Variants in ARID2 observed in about 807,000 individuals in gnomAD.
ARID2 encodes AT-rich interaction domain 2.
Under a neutral mutation model 184.6 loss-of-function variants are expected in ARID2, and 32 were observed. The ratio of observed to expected loss-of-function variants is 0.17; its 90% CI spans 0.13 to 0.23. ARID2 has a LOEUF of 0.23. Among genes scored for constraint, ARID2 ranks in the 10% least tolerant of loss-of-function variants. ARID2 has a pLI of 1.00. For missense variants in ARID2, 1,696 were observed against 2,197.6 expected (o/e 0.77, Z 4.56); for synonymous variants, 836 against 772.6 (o/e 1.08, Z -1.36).
chr12:45,904,208 C>T (rs1785963799), intron 20 of ARID2: 7 of 555,908 alleles, frequency 1.3e-5, no homozygotes, highest in South Asian at 4.6e-5. Context: ...CTAGATGTGG[C>T]TTGGTTTCAC....
At chr12:45,868,842 A>G (rs1943871441) in intron 16 of ARID2, among the ~76,000 whole-genome samples, 1 of 152,154 alleles carries the variant, frequency 6.6e-6, no homozygotes, top group Admixed American at 6.5e-5. Context: ...CTTTAAATGT[A>G]TTTTAACTTT....
chr12:45,770,827 C>CA (rs1291353897), intron 3 of ARID2, among the ~76,000 whole-genome samples: 2 of 152,144 alleles, frequency 1.3e-5, no homozygotes, highest in Non-Finnish European at 2.9e-5. Context: ...AGAGATCAAT[C>CA]AGAGAAAAGT....
intron 20 of ARID2, 66 bp from the exon 21 acceptor site, chr12:45,904,868 A>T: frequency 6.4e-7 from 1 of 1,563,180 alleles, no homozygotes; most frequent in South Asian, 1.2e-5. Context: ...AAACTTGCAA[A>T]ATTCATGATA....
intron 3 of ARID2, among the ~76,000 whole-genome samples, chr12:45,781,605 G>A (rs956021201): frequency 2.0e-5 from 3 of 151,584 alleles, no homozygotes; most frequent in African/African-American, 7.3e-5. Flanking sequence ...TACTTTACTT[G>A]GATTGGTTTG....
intron 2 of ARID2, among the ~76,000 whole-genome samples, chr12:45,730,996 C>T (rs1394902379): frequency 2.6e-5 from 4 of 151,814 alleles, no homozygotes; most frequent in Non-Finnish European, 5.9e-5. Context: ...ACCAAACCCC[C>T]CCACCCCCAA....
chr12:45,887,661 T>C (rs879345862), intron 16 of ARID2, among the ~76,000 whole-genome samples: 6 of 152,160 alleles, frequency 3.9e-5, no homozygotes, highest in Non-Finnish European at 8.8e-5. Context: ...CAAAGTGAGA[T>C]GGAGTCCTGC....
chr12:45,802,622 TA>T (rs1178840309), intron 3 of ARID2, among the ~76,000 whole-genome samples: 1 of 152,142 alleles, frequency 6.6e-6, no homozygotes, highest in Non-Finnish European at 1.5e-5. Flanking sequence ...GGAAAGTTAG[TA>T]AAGTTGGGCT....
chr12:45,758,471 T>C (rs1302426550), intron 3 of ARID2, among the ~76,000 whole-genome samples: 2 of 152,124 alleles, frequency 1.3e-5, no homozygotes, highest in African/African-American at 2.4e-5. Flanking sequence ...CAGTGTGACC[T>C]AGGGAAGCCA....
chr12:45,885,438 C>T (rs1267301644), intron 16 of ARID2, among the ~76,000 whole-genome samples: 2 of 151,662 alleles, frequency 1.3e-5, no homozygotes, highest in Admixed American at 6.6e-5. Flanking sequence ...AAATCCCTTG[C>T]ATTTTAAGTC....
At chr12:45,855,067 A>C (rs1456041982) in intron 15 of ARID2, among the ~76,000 whole-genome samples, 1 of 152,146 alleles carries the variant, frequency 6.6e-6, no homozygotes, top group Non-Finnish European at 1.5e-5. Context: ...GCCTTTTTTT[A>C]ATCTAACATA....
At chr12:45,800,344 T>C (rs917360387) in intron 3 of ARID2, among the ~76,000 whole-genome samples, 1 of 152,208 alleles carries the variant, frequency 6.6e-6, no homozygotes, top group Non-Finnish European at 1.5e-5. Flanking sequence ...TATTAAATTC[T>C]AGGTTTGTTT....
At position 45,852,104 on chromosome 12, in the gene ARID2, A is replaced by T. The variant is rs776048474; in HGVS notation, c.3981A>T (p.Ser1327=). ...NQCSLISNGP[S]LELGENGASG... is the part of the protein sequence containing the mutation. ...GCTCACTAATCAGTAATGGGCCATC[A>T]TTGGAATTAGGTGAGAATGGAGCAT... The change falls in exon 15 of 21, where the codon TCA becomes TCT. Residue 1327 remains serine (S), a synonymous_variant. Transcript: ENST00000334344. 9 of 1,614,162 alleles carry T rather than the reference A, an allele frequency of 5.6e-6. No individual in the cohort carries two copies. Among genetic ancestry groups the T allele is most frequent in the Non-Finnish European group, 7.6e-6 (9 of 1,180,006 alleles).
In ARID2 at chr12:45,733,005, A is replaced by G. The variant is rs1047405613; in HGVS notation, c.284+1691A>G. 2.6e-5 allele frequency among the ~76,000 whole-genome samples: 4 copies of G among 152,148 alleles called. No individual in the cohort carries two copies. The South Asian group carries it at 8.3e-4, about 31-fold the overall frequency. On this transcript the variant is annotated intron_variant, in intron 3 of 20. Coordinates refer to ENST00000334344, the MANE Select transcript of ARID2 (RefSeq NM_152641.4). ...CTGTTTTTAACTATATAGTTTCAAC[A>G]TTGTAAGTATTTACATGGTCTTCAG...
At chr12:45,787,342 T>G (rs1026081164) in intron 3 of ARID2, among the ~76,000 whole-genome samples, 3 of 151,748 alleles carry the variant, frequency 2.0e-5, no homozygotes, top group African/African-American at 7.3e-5. Context: ...CTCAGCCTCC[T>G]ATGTAGCTGG....
intron 3 of ARID2, among the ~76,000 whole-genome samples, chr12:45,765,514 G>A (rs1465804666): frequency 7.1e-6 from 1 of 140,652 alleles, no homozygotes; most frequent in Non-Finnish European, 1.6e-5. Context: ...CCTGGCCTCG[G>A]TTTTTTTTTT....
chr12:45,898,420 T>G (rs1042049915), intron 20 of ARID2, among the ~76,000 whole-genome samples: 10 of 152,164 alleles, frequency 6.6e-5, no homozygotes, highest in African/African-American at 2.2e-4. Context: ...TTAAAAGTGG[T>G]TAAAATAGTA....
intron 16 of ARID2, among the ~76,000 whole-genome samples, chr12:45,869,194 T>G (rs542795205): frequency 6.6e-6 from 1 of 152,166 alleles, no homozygotes; most frequent in African/African-American, 2.4e-5. Context: ...TTTTTGTATT[T>G]TTAGTAGGGA....
At chr12:45,831,358 C>G (rs943933254) in intron 6 of ARID2, among the ~76,000 whole-genome samples, 1 of 151,966 alleles carries the variant, frequency 6.6e-6, no homozygotes, top group Non-Finnish European at 1.5e-5. Context: ...ACTGTGATTT[C>G]CTCTACGTGG....
At position 45,851,294 on chromosome 12, in the gene ARID2, G is replaced by C. The variant is rs7296694; in HGVS notation, c.3171G>C (p.Ser1057=). The change falls in exon 15 of 21, where the codon TCG becomes TCC. Residue 1057 remains serine (S), a synonymous_variant. Coordinates refer to ENST00000334344, the MANE Select transcript of ARID2 (RefSeq NM_152641.4). ...AGVGQPASGE[S]SLIKQLLLPK... ...TTGGTCAGCCTGCCTCTGGTGAGTC[G>C]AGTCTGATTAAACAGCTTCTGCTTC... 1.2e-6 allele frequency: 2 copies of C among 1,614,004 alleles called. No homozygotes were observed.
Sources: gnomAD v4.1 joint callset for allele counts (sites outside exome capture counted in the v4.1 genomes callset) on GRCh38, gnomAD v4.1.1 for gene constraint, MANE v1.5 for transcripts, NCBI Gene and HGNC (gene_info 2026-07-23, HGNC 2026-07-21) for gene names.